The following PARVA variants were observed in gnomAD, a reference collection of about 807,000 sequenced individuals.
PARVA encodes the protein parvin alpha.
PARVA carries 25 observed loss-of-function variants against 52.6 expected under a neutral mutation model. The ratio of observed to expected loss-of-function variants is 0.48; its 90% CI spans 0.35 to 0.66. PARVA has a LOEUF of 0.66. PARVA is among the 30% of genes least tolerant of loss of function. PARVA has a pLI of 0.01. For synonymous variants in PARVA, 185 were observed against 179.1 expected, an observed-to-expected ratio of 1.03 and a Z score of -0.26; for missense variants, 373 against 450.9, an observed-to-expected ratio of 0.83 and a Z score of 1.56.
chr11:12,526,590 T>A (rs181391188), intron 12 of PARVA, among the ~76,000 whole-genome samples: 2 of 152,278 alleles, frequency 1.3e-5, no homozygotes, highest in East Asian at 3.9e-4. Context: ...AAAAAAGTAA[T>A]GCCGGCTCCC....
chr11:12,452,464 A>G (rs1940636002), intron 1 of PARVA, among the ~76,000 whole-genome samples: 1 of 152,144 alleles, frequency 6.6e-6, no homozygotes, highest in Non-Finnish European at 1.5e-5. Context: ...ACTGAGAAAA[A>G]GCTTTGAGAG....
At position 12,463,541 on chromosome 11, in the gene PARVA, T is replaced by TAAC. The variant is rs543378567; in HGVS notation, c.137-10202_137-10200dup. 9.7e-4 allele frequency among the ~76,000 whole-genome samples: 148 copies of TAAC among 152,324 alleles called. 1 individual carries two copies. The highest frequency in any genetic ancestry group is 3.5e-3 in the African/African-American group (145 of 41,576). ...TTCATCACATCATATCAAGGGTACA[T>TAAC]AACATCAACATGGTTTATGACTGTG... On this transcript the variant is annotated intron_variant, in intron 1 of 12. Coordinates refer to ENST00000334956, the MANE Select transcript of PARVA (RefSeq NM_018222.5).
Position 12,396,999 on chromosome 11 carries a change from A to C in PARVA, c.136+19216A>C, listed in dbSNP as rs1041841246. Among the ~76,000 whole-genome samples, 5 of 123,878 alleles carry C rather than the reference A, an allele frequency of 4.0e-5. No individual in the cohort carries two copies. In the South Asian group the frequency reaches 9.5e-4, roughly 23 times the overall value. The allele number at this position is 123,878 out of a possible 152,430, so 81.3% of individuals were successfully genotyped here. A position where few individuals can be genotyped will look rare whatever the true frequency, so the allele number is the denominator to read the frequency against. ...CCTTTCATGTACTTGTTTTGTTTAT[A>C]TACAGCTGCAATATTATTGTTAAGA... On this transcript the variant is annotated intron_variant, in intron 1 of 12. Transcript: ENST00000334956.
intron 1 of PARVA, among the ~76,000 whole-genome samples, chr11:12,433,507 G>GT (rs1940343474): frequency 6.6e-6 from 1 of 152,006 alleles, no homozygotes; most frequent in Admixed American, 6.6e-5. Context: ...GTTTTGTTTT[G>GT]TTTTTTGTTT....
At chr11:12,484,238 C>CCTG (rs751966278) in intron 4 of PARVA, among the ~76,000 whole-genome samples, 1 of 152,186 alleles carries the variant, frequency 6.6e-6, no homozygotes, top group Non-Finnish European at 1.5e-5. Flanking sequence ...TGGCCCACTG[C>CCTG]CTGCTTCTTA....
At chr11:12,472,719 C>CGTCCCATCTTTCCATTTTATTTT (rs1940950080) in intron 1 of PARVA, among the ~76,000 whole-genome samples, 1 of 152,148 alleles carries the variant, frequency 6.6e-6, no homozygotes, top group Non-Finnish European at 1.5e-5. Context: ...TGGGACGCTG[C>CGTCCCATCTTTCCATTTTATTTT]TTTTATTAAG....
At position 12,377,701 on chromosome 11, in the gene PARVA, G is replaced by T; in HGVS notation, c.54G>T (p.Lys18Asn). 6.4e-7 allele frequency: 1 copy of T among 1,566,434 alleles called. No homozygotes were observed. The highest frequency in any genetic ancestry group is 8.6e-7 in the Non-Finnish European group (1 of 1,161,100). The change falls in exon 1 of 13, where the codon AAG (lysine) becomes AAT (asparagine). Residue 18 changes from lysine to asparagine, a missense_variant. By Grantham distance (94) the Lys-to-Asn change is moderately conservative. Coordinates refer to ENST00000334956, the MANE Select transcript of PARVA (RefSeq NM_018222.5). Reference sequence around the variant, plus strand: ...CTGTCCCCAAGTCTCCCACTCCCAAGTCGCCCCCGTCCCGCAAGAAAGATG... The same window carrying T: ...CTGTCCCCAAGTCTCCCACTCCCAATTCGCCCCCGTCCCGCAAGAAAGATG... Reference protein sequence around the residue: ...SPSVPKSPTPKSPPSRKKDDS... With the variant: ...SPSVPKSPTPNSPPSRKKDDS...
In PARVA at chr11:12,397,793, C is replaced by G. The variant is rs144213507; in HGVS notation, c.136+20010C>G. ...TAACCATCTCTCCACTCCCAAGTCC[C>G]CTGCCCCCATTTTCTGGGGGAAGGT... On this transcript the variant is annotated intron_variant, in intron 1 of 12. Transcript: ENST00000334956. 2.6e-3 allele frequency among the ~76,000 whole-genome samples: 389 copies of G among 151,862 alleles called. 2 individuals carry two copies. Among genetic ancestry groups the G allele is most frequent in the African/African-American group, 9.0e-3 (372 of 41,364 alleles).
intron 1 of PARVA, among the ~76,000 whole-genome samples, chr11:12,395,738 A>G (rs758792990): frequency 2.6e-5 from 4 of 152,184 alleles, no homozygotes; most frequent in Non-Finnish European, 4.4e-5. Flanking sequence ...GGACCTCCCA[A>G]TTCTCCACCT....
chr11:12,516,488 C>T (rs866857976), intron 10 of PARVA, among the ~76,000 whole-genome samples: 18 of 152,124 alleles, frequency 1.2e-4, no homozygotes, highest in African/African-American at 3.9e-4. Flanking sequence ...CTTCACCCAG[C>T]CCTAAGCAGA....
At chr11:12,522,349 A>G (rs1413254270) in intron 12 of PARVA, among the ~76,000 whole-genome samples, 1 of 152,202 alleles carries the variant, frequency 6.6e-6, no homozygotes, top group East Asian at 1.9e-4. Context: ...AAACTGGACA[A>G]AAATCATCAA....
intron 4 of PARVA, among the ~76,000 whole-genome samples, chr11:12,482,123 T>G (rs1285553114): frequency 2.1e-5 from 3 of 140,256 alleles, no homozygotes; most frequent in African/African-American, 8.2e-5. Flanking sequence ...GCCATTGCAC[T>G]CCAGCCTGGG....
At chr11:12,513,547 CT>C (rs1318491377) in intron 9 of PARVA, 187 bp downstream of exon 9, 6 of 708,600 alleles carry the variant, frequency 8.5e-6, no homozygotes, top group African/African-American at 1.7e-5. Flanking sequence ...GCACCTGGGC[CT>C]TTTCCCCTCC....
chr11:12,416,597 C>T (rs1406985825), intron 1 of PARVA, among the ~76,000 whole-genome samples: 4 of 152,032 alleles, frequency 2.6e-5, no homozygotes, highest in Non-Finnish European at 5.9e-5. Context: ...ATGAAGGGTC[C>T]CTGCTGCTTC....
intron 1 of PARVA, among the ~76,000 whole-genome samples, chr11:12,404,346 G>C (rs561153318): frequency 6.6e-6 from 1 of 152,256 alleles, no homozygotes; most frequent in African/African-American, 2.4e-5. Flanking sequence ...GATGCTGATA[G>C]AGCAAGGTCC....
At chr11:12,461,950 C>G (rs1206697220) in intron 1 of PARVA, among the ~76,000 whole-genome samples, 1 of 152,142 alleles carries the variant, frequency 6.6e-6, no homozygotes, top group Non-Finnish European at 1.5e-5. Flanking sequence ...TCTGCTGAGG[C>G]CACCAAGAGC....
intron 1 of PARVA, 88 bp downstream of exon 1, chr11:12,377,871 G>A: frequency 1.0e-6 from 1 of 967,896 alleles, no homozygotes; most frequent in African/African-American, 1.7e-5. Flanking sequence ...CCGGGCGGGA[G>A]CGCGCCGCGG....
intron 1 of PARVA, among the ~76,000 whole-genome samples, chr11:12,470,097 TGC>T (rs1940913481): frequency 6.6e-6 from 1 of 152,256 alleles, no homozygotes; most frequent in African/African-American, 2.4e-5. Context: ...TACGCACATG[TGC>T]GCACACACAG....
intron 4 of PARVA, among the ~76,000 whole-genome samples, chr11:12,496,236 A>G (rs1159963195): frequency 6.7e-6 from 1 of 149,642 alleles, no homozygotes; most frequent in Non-Finnish European, 1.5e-5. Context: ...TGGGGATTCA[A>G]GTCATGATCA....
Sources: allele counts gnomAD v4.1 joint callset (sites outside exome capture counted in the v4.1 genomes callset), GRCh38; gene constraint gnomAD v4.1.1; transcripts MANE v1.5; gene names NCBI Gene and HGNC (gene_info 2026-07-23, HGNC 2026-07-21).